MCPH1: variants seen among roughly 807,000 people sequenced by gnomAD.
The protein encoded by MCPH1 is microcephalin 1.
Under a neutral mutation model 84.5 loss-of-function variants are expected in MCPH1, and 104 were observed. That is an observed-to-expected ratio of 1.23 (90% CI 1.05 to 1.45). The LOEUF is 1.45. Among genes scored for constraint, MCPH1 ranks in the 40% most tolerant of loss-of-function variants. The pLI is 0.00. For synonymous variants in MCPH1, 514 were observed against 366.8 expected, an observed-to-expected ratio of 1.40 and a Z score of -4.58; for missense variants, 1,498 against 1,005.7, an observed-to-expected ratio of 1.49 and a Z score of -6.62.
At chr8:6,519,838 T>C (rs922502949) in intron 12 of MCPH1, 2 of 1,610,748 alleles carry the variant, frequency 1.2e-6, no homozygotes, top group African/African-American at 1.3e-5. Flanking sequence ...AGCCAGGGAG[T>C]TAGTAAGGGG....
At chr8:6,516,696 T>C (rs1049103947) in intron 12 of MCPH1, among the ~76,000 whole-genome samples, 10 of 152,254 alleles carry the variant, frequency 6.6e-5, no homozygotes, top group African/African-American at 2.4e-4. Flanking sequence ...AAGTTAATTC[T>C]GTATCCTAAA....
At chr8:6,631,258 G>C (rs1022216256) in intron 13 of MCPH1, among the ~76,000 whole-genome samples, 1 of 152,186 alleles carries the variant, frequency 6.6e-6, no homozygotes, top group Non-Finnish European at 1.5e-5. Flanking sequence ...CATGCAAGGT[G>C]GGCAAGAGAA....
At chr8:6,480,125 T>C (rs1809001830) in intron 10 of MCPH1, among the ~76,000 whole-genome samples, 1 of 151,002 alleles carries the variant, frequency 6.6e-6, no homozygotes, top group African/African-American at 2.4e-5. Flanking sequence ...TTTTTCTTTT[T>C]TTCTTTTTTT....
intron 11 of MCPH1, among the ~76,000 whole-genome samples, chr8:6,491,876 T>C (rs1047617216): frequency 2.0e-5 from 3 of 152,222 alleles, no homozygotes; most frequent in Admixed American, 6.5e-5. Context: ...CAGTCTATCA[T>C]TGTTGGACAT....
chr8:6,494,537 A>G (rs1371042677), intron 11 of MCPH1: 3 of 152,214 alleles, frequency 2.0e-5, no homozygotes, highest in Non-Finnish European at 4.4e-5. Flanking sequence ...CTCAATAAAT[A>G]TTAAATATCG....
chr8:6,489,404 C>G (rs1045338520), intron 11 of MCPH1, among the ~76,000 whole-genome samples: 1 of 152,004 alleles, frequency 6.6e-6, no homozygotes, highest in African/African-American at 2.4e-5. Flanking sequence ...GGGACTGTCT[C>G]AGGAAGGAAG....
intron 12 of MCPH1, among the ~76,000 whole-genome samples, chr8:6,510,703 G>C (rs186262288): frequency 1.3e-5 from 2 of 152,306 alleles, no homozygotes; most frequent in Admixed American, 6.5e-5. Flanking sequence ...CCTCTGCCGT[G>C]TTTCAACACT....
intron 12 of MCPH1, among the ~76,000 whole-genome samples, chr8:6,574,653 A>T (rs1826925037): frequency 6.6e-6 from 1 of 152,242 alleles, no homozygotes; most frequent in Admixed American, 6.5e-5. Flanking sequence ...CGATGGTTGG[A>T]ATTTATAATT....
intron 12 of MCPH1, among the ~76,000 whole-genome samples, chr8:6,564,353 C>G (rs939771571): frequency 6.6e-6 from 1 of 152,122 alleles, no homozygotes; most frequent in African/African-American, 2.4e-5. Flanking sequence ...ATTAGTCCCC[C>G]TTGGTATTAG....
chr8:6,408,713 C>A (rs997643452), intron 1 of MCPH1, among the ~76,000 whole-genome samples: 1 of 151,718 alleles, frequency 6.6e-6, no homozygotes. Context: ...CACTCGCCAC[C>A]ATTCCTGGCT....
intron 13 of MCPH1, among the ~76,000 whole-genome samples, chr8:6,640,105 CGTGTGTGTGTGTGT>C (rs139021455): frequency 2.2e-5 from 3 of 133,528 alleles, no homozygotes; most frequent in Non-Finnish European, 3.2e-5. Flanking sequence ...TGTGCGCGCG[CGTGTGTGTGTGTGT>C]GCGTGTGTGT....
intron 4 of MCPH1, among the ~76,000 whole-genome samples, chr8:6,433,264 A>G (rs1280299313): frequency 2.0e-5 from 3 of 152,232 alleles, no homozygotes; most frequent in Non-Finnish European, 4.4e-5. Flanking sequence ...CAAGTCAGAT[A>G]TCTAGAGATA....
chr8:6,548,706 C>T (rs1422920089), intron 12 of MCPH1, among the ~76,000 whole-genome samples: 1 of 152,278 alleles, frequency 6.6e-6, no homozygotes, highest in African/African-American at 2.4e-5. Flanking sequence ...CTCACAGAAG[C>T]AAGCTCCCAT....
intron 1 of MCPH1, 106 bp from the exon 2 acceptor site, chr8:6,409,173 A>G (rs953119310): frequency 1.8e-5 from 17 of 941,670 alleles, no homozygotes; most frequent in Middle Eastern, 4.5e-4. Context: ...GGCGTGAGCC[A>G]CTGTGCCGGC....
At position 6,621,599 on chromosome 8, in the gene MCPH1, G is replaced by A; in HGVS notation, c.2360G>A (p.Ser787Asn). The A allele has an allele frequency of 6.2e-7, 1 of 1,614,230 alleles. No homozygotes were observed. ...GTCCACCTGTGCGGAGGCCGGGTCA[G>A]CCAAGTCCCCCGCCAGGCCAGCATC... ...ELVHLCGGRV[S>N]QVPRQASIVI... The change falls in exon 13 of 14, where the codon AGC becomes AAC. Residue 787 changes from serine (S) to asparagine (N), a missense_variant. Physicochemically the swap from Ser to Asn is conservative, Grantham distance 46. Coordinates refer to ENST00000344683, the MANE Select transcript of MCPH1 (RefSeq NM_024596.5).
At chr8:6,459,680 A>G (rs1445592026) in intron 9 of MCPH1, among the ~76,000 whole-genome samples, 1 of 152,216 alleles carries the variant, frequency 6.6e-6, no homozygotes, top group Non-Finnish European at 1.5e-5. Context: ...TGTAGTGAGG[A>G]AAATGATTTG....
intron 12 of MCPH1, among the ~76,000 whole-genome samples, chr8:6,586,822 G>T (rs1428689502): frequency 2.6e-5 from 4 of 152,188 alleles, no homozygotes; most frequent in Non-Finnish European, 4.4e-5. Flanking sequence ...AGGGATGAGA[G>T]ATTAGGACAC....
intron 12 of MCPH1, among the ~76,000 whole-genome samples, chr8:6,535,585 C>T (rs1225570558): frequency 6.6e-6 from 1 of 151,928 alleles, no homozygotes; most frequent in African/African-American, 2.4e-5. Flanking sequence ...AGGTATATAG[C>T]ATATATGTAT....
At chr8:6,527,361 G>A (rs1046181826) in intron 12 of MCPH1, among the ~76,000 whole-genome samples, 1 of 152,234 alleles carries the variant, frequency 6.6e-6, no homozygotes, top group Non-Finnish European at 1.5e-5. Context: ...GTAAAATCCA[G>A]GACTGTGTTA....
Sources: allele counts gnomAD v4.1 joint callset (sites outside exome capture counted in the v4.1 genomes callset), GRCh38; gene constraint gnomAD v4.1.1; transcripts MANE v1.5; gene names NCBI Gene and HGNC (gene_info 2026-07-23, HGNC 2026-07-21).